The following AGTPBP1 variants were observed in gnomAD, a reference collection of about 807,000 sequenced individuals.
The protein encoded by AGTPBP1 is ATP/GTP binding carboxypeptidase 1.
Under a neutral mutation model 143.9 loss-of-function variants are expected in AGTPBP1, and 70 were observed. The ratio of observed to expected loss-of-function variants is 0.49; its 90% CI spans 0.40 to 0.59. AGTPBP1 has a LOEUF of 0.59. AGTPBP1 is among the 20% of genes least tolerant of loss of function. AGTPBP1 has a pLI of 0.00. For missense variants in AGTPBP1, 1,229 were observed against 1,464.5 expected (o/e 0.84, Z 2.62); for synonymous variants, 463 against 500.2 (o/e 0.93, Z 0.99).
chr9:85,687,844 C>G (rs1038518043), intron 3 of AGTPBP1, among the ~76,000 whole-genome samples: 1 of 151,972 alleles, frequency 6.6e-6, no homozygotes, highest in East Asian at 1.9e-4. Context: ...AATCCCAGGA[C>G]TTTGGGAGGC....
At chr9:85,719,957 T>G (rs543979123) in intron 1 of AGTPBP1, among the ~76,000 whole-genome samples, 2 of 152,354 alleles carry the variant, frequency 1.3e-5, no homozygotes, top group East Asian at 3.9e-4. Context: ...ATGTGATGGA[T>G]TATGTTTATT....
chr9:85,802,408 T>G, the AGTPBP1 span, among the ~76,000 whole-genome samples: 1 of 152,142 alleles, frequency 6.6e-6, no homozygotes, highest in Non-Finnish European at 1.5e-5. Flanking sequence ...ACTCAGTGCC[T>G]GCACATGAGC....
rs1830756554 is a variant in AGTPBP1, at chr9:85,619,049, G to T, written c.2269C>A (p.Arg757=). ...TTAAACCTGTAAGCAACACCTGGTC[G>T]CATTCCACTGACTTCAAAGTAAAAC... ...QWFYFEVSGM[R]PGVAYRFNII... is the part of the protein sequence containing the mutation. The change falls in exon 17 of 26, where the codon CGA becomes AGA. Residue 757 remains arginine, a synonymous_variant. Transcript: ENST00000357081. 6.2e-7 allele frequency: 1 copy of T among 1,613,622 alleles called. No individual in the cohort carries two copies. Among genetic ancestry groups the T allele is most frequent in the African/African-American group, 1.3e-5 (1 of 74,892 alleles).
In AGTPBP1 at chr9:85,589,593, C is replaced by T. The variant is rs1345409640; in HGVS notation, c.2657G>A (p.Ser886Asn). ...TGCTGTTATAGTCACCAAGGGGCAG[C>T]TGTTTCCAGACAGGGTTTCACATAA... ...DVLCETLSGNSCPLVTITAMP... is the reference protein window; with the variant it reads ...DVLCETLSGNNCPLVTITAMP... The change falls in exon 20 of 26, where the codon AGC becomes AAC. Residue 886 changes from serine (S) to asparagine (N), a missense_variant. Ser to Asn is a conservative substitution (Grantham distance 46, BLOSUM62 1). Transcript: ENST00000357081. The T allele has an allele frequency of 1.2e-6, 2 of 1,613,630 alleles. No individual in the cohort carries two copies. Among genetic ancestry groups the T allele is most frequent in the Non-Finnish European group, 1.7e-6 (2 of 1,179,690 alleles).
At chr9:85,580,594 T>C (rs1260676324) in intron 23 of AGTPBP1, among the ~76,000 whole-genome samples, 1 of 152,148 alleles carries the variant, frequency 6.6e-6, no homozygotes, top group African/African-American at 2.4e-5. Flanking sequence ...GTATGCTAGT[T>C]AACAATCAGG....
chr9:85,614,520 A>T (rs1830498506), intron 17 of AGTPBP1, among the ~76,000 whole-genome samples: 1 of 152,118 alleles, frequency 6.6e-6, no homozygotes, highest in South Asian at 2.1e-4. Flanking sequence ...GTAAGACTGG[A>T]TATAAAATAT....
At chr9:85,619,512 G>T (rs1388179470) in intron 15 of AGTPBP1, among the ~76,000 whole-genome samples, 1 of 152,036 alleles carries the variant, frequency 6.6e-6, no homozygotes, top group Non-Finnish European at 1.5e-5. Flanking sequence ...TTATTCTTAT[G>T]TTTATACTGA....
the AGTPBP1 span, among the ~76,000 whole-genome samples, chr9:85,782,098 T>G: frequency 1.3e-5 from 2 of 152,192 alleles, no homozygotes; most frequent in Non-Finnish European, 1.5e-5. Context: ...TTAAAATCTT[T>G]TAGGCACACA....
At chr9:85,691,732 G>A (rs776701828) in intron 3 of AGTPBP1, among the ~76,000 whole-genome samples, 1 of 151,948 alleles carries the variant, frequency 6.6e-6, no homozygotes, top group Non-Finnish European at 1.5e-5. Flanking sequence ...ATATTTCCAC[G>A]TACAGACTTA....
chr9:85,801,597 A>T, the AGTPBP1 span, among the ~76,000 whole-genome samples: 1 of 152,030 alleles, frequency 6.6e-6, no homozygotes, highest in South Asian at 2.1e-4. Flanking sequence ...TTAAATTGGA[A>T]AACCTGGCAT....
chr9:85,664,368 C>T (rs200623629), intron 8 of AGTPBP1, among the ~76,000 whole-genome samples: 2 of 152,168 alleles, frequency 1.3e-5, no homozygotes, highest in East Asian at 3.8e-4. Flanking sequence ...TAGCATTTTA[C>T]AACCGTGTTG....
intron 14 of AGTPBP1, among the ~76,000 whole-genome samples, chr9:85,623,877 A>G (rs998035454): frequency 1.3e-5 from 2 of 152,210 alleles, no homozygotes; most frequent in African/African-American, 4.8e-5. Context: ...CTATTGAAAT[A>G]CATGGCTTTC....
intron 14 of AGTPBP1, among the ~76,000 whole-genome samples, chr9:85,627,141 A>T (rs141458548): frequency 1.4e-3 from 209 of 152,350 alleles, no homozygotes; most frequent in African/African-American, 4.9e-3. Flanking sequence ...ACACACTGTT[A>T]TTTTAATATT....
At chr9:85,573,021 C>T (rs1827613617) in intron 25 of AGTPBP1, among the ~76,000 whole-genome samples, 1 of 152,096 alleles carries the variant, frequency 6.6e-6, no homozygotes, top group Non-Finnish European at 1.5e-5. Flanking sequence ...TACACAAAAC[C>T]ATAAAATGCT....
rs1038461079 is a variant in AGTPBP1 at position 85,687,521 on chromosome 9, C to A, written c.157+5168G>T. On this transcript the variant is annotated intron_variant, in intron 3 of 25. Transcript: ENST00000357081. Reference sequence around the variant, plus strand: ...GGATTGAAATCAATCAAAGTATATTCTCCAGCCAAAAGAATTACATTAGAA... The same window carrying A: ...GGATTGAAATCAATCAAAGTATATTATCCAGCCAAAAGAATTACATTAGAA... Among the ~76,000 whole-genome samples, 11 of 151,896 alleles carry A rather than the reference C, an allele frequency of 7.2e-5. No homozygotes were observed. The South Asian group carries it at 1.0e-3, about 14-fold the overall frequency.
chr9:85,641,589 G>A (rs1425721453), intron 13 of AGTPBP1, among the ~76,000 whole-genome samples: 1 of 152,114 alleles, frequency 6.6e-6, no homozygotes, highest in African/African-American at 2.4e-5. Flanking sequence ...GGCAGGGAAG[G>A]CTGCAGAAGG....
chr9:85,804,200 C>T, the AGTPBP1 span, among the ~76,000 whole-genome samples: 1 of 152,130 alleles, frequency 6.6e-6, no homozygotes, highest in African/African-American at 2.4e-5. Flanking sequence ...AATATAAATT[C>T]ATCCATTTGG....
intron 4 of AGTPBP1, among the ~76,000 whole-genome samples, chr9:85,679,243 A>C (rs1405009576): frequency 6.6e-6 from 1 of 152,186 alleles, no homozygotes; most frequent in East Asian, 1.9e-4. Flanking sequence ...TAATCTAATA[A>C]GTGAAAATGT....
upstream of AGTPBP1, among the ~76,000 whole-genome samples, chr9:85,742,830 T>C (rs1045706311): frequency 6.6e-6 from 1 of 152,234 alleles, no homozygotes; most frequent in Admixed American, 6.5e-5. Context: ...CACAAGAACA[T>C]GTTTGCTACT....
Sources: allele counts gnomAD v4.1 joint callset (sites outside exome capture counted in the v4.1 genomes callset), GRCh38; gene constraint gnomAD v4.1.1; transcripts MANE v1.5; gene names NCBI Gene and HGNC (gene_info 2026-07-23, HGNC 2026-07-21).